DNAH1: variants seen among roughly 807,000 people sequenced by gnomAD.
DNAH1 encodes the protein dynein axonemal heavy chain 1, also known as axonemal beta dynein heavy chain 1.
In DNAH1, 327 loss-of-function variants were observed where a neutral mutation model predicts 484.3. That is an observed-to-expected ratio of 0.68 (90% CI 0.62 to 0.74). DNAH1 has a LOEUF of 0.74. Among genes scored for constraint, DNAH1 ranks in the 30% least tolerant of loss-of-function variants. The pLI, the probability that DNAH1 is intolerant of heterozygous loss-of-function variation, is 0.00. For missense variants in DNAH1, 5,052 were observed against 5,546.8 expected (o/e 0.91, Z 2.83); for synonymous variants, 2,192 against 2,191.9 (o/e 1.00, Z 0.00).
At chr3:52,369,687 C>G in intron 37 of DNAH1, 138 bp from the exon 38 acceptor site, 2 of 914,746 alleles carry the variant, frequency 2.2e-6, no homozygotes, top group South Asian at 1.8e-5. Flanking sequence ...CCTGTCCCAC[C>G]CAGCACTGCC....
Position 52,370,026 on chromosome 3 carries a change from G to A in DNAH1, c.6138+7G>A. On this transcript the variant is annotated splice_region_variant and intron_variant, in intron 38 of 77. Coordinates refer to ENST00000420323, the MANE Select transcript of DNAH1 (RefSeq NM_015512.5). ...CTTTGTCAGCTTCCTGGAGGTGAGT[G>A]AGGCCACGGGTATGTCTGACCCTGG... 5 of 1,612,566 alleles carry A rather than the reference G, an allele frequency of 3.1e-6. No homozygotes were observed. The highest frequency in any genetic ancestry group is 4.2e-6 in the Non-Finnish European group (5 of 1,178,742).
At chr3:52,365,818 C>T (rs990222147) in intron 34 of DNAH1, among the ~76,000 whole-genome samples, 1 of 152,200 alleles carries the variant, frequency 6.6e-6, no homozygotes, top group Non-Finnish European at 1.5e-5. Flanking sequence ...AATGCTTCCT[C>T]CTCTGGTCAC....
At chr3:52,378,459 A>G in intron 46 of DNAH1, 143 bp from the exon 47 acceptor site, 1 of 845,450 alleles carries the variant, frequency 1.2e-6, no homozygotes, top group Non-Finnish European at 1.9e-6. Context: ...ATGGGGCCAA[A>G]GGGTACGTGG....
intron 59 of DNAH1, among the ~76,000 whole-genome samples, chr3:52,389,187 A>C (rs1704254699): frequency 6.6e-6 from 1 of 152,270 alleles, no homozygotes; most frequent in Non-Finnish European, 1.5e-5. Flanking sequence ...CACTTGCTGC[A>C]TGCCAGGCAC....
intron 1 of DNAH1, among the ~76,000 whole-genome samples, 161 bp downstream of exon 1, chr3:52,316,706 C>A (rs1424804837): frequency 6.6e-6 from 1 of 152,180 alleles, no homozygotes; most frequent in East Asian, 1.9e-4. Context: ...ACTCAATACA[C>A]TTTATGGTGG....
intron 8 of DNAH1, among the ~76,000 whole-genome samples, chr3:52,341,963 A>G (rs986600231): frequency 2.0e-5 from 3 of 152,200 alleles, no homozygotes; most frequent in Admixed American, 2.0e-4. Context: ...ACAGACAATG[A>G]AAAATCTGGG....
rs1336962123 is a variant in DNAH1 at position 52,382,464 on chromosome 3, G to A, written c.7941+9G>A. On this transcript the variant is annotated intron_variant, in intron 50 of 77. Coordinates refer to ENST00000420323, the MANE Select transcript of DNAH1 (RefSeq NM_015512.5). Reference sequence around the variant, plus strand: ...TCTTCTCAGACACCCAGGTGCCACTGCCACAGCAGAGGGCAGGGCTCGGGG... The same window carrying A: ...TCTTCTCAGACACCCAGGTGCCACTACCACAGCAGAGGGCAGGGCTCGGGG... The A allele has an allele frequency of 6.2e-7, 1 of 1,613,412 alleles. No individual in the cohort carries two copies. The highest frequency in any genetic ancestry group is 1.3e-5 in the African/African-American group (1 of 75,036).
In DNAH1 at chr3:52,326,820, C is replaced by G; in HGVS notation, c.667C>G (p.Leu223Val). Residue 223 changes from leucine (L) to valine (V), a missense_variant, in exon 5 of 78, where the codon CTG becomes GTG. Leu to Val is a conservative substitution (Grantham distance 32). This residue lies in a region of DNAH1 where 1,263 missense variants were observed against 1,218.8 expected (regional missense o/e 1.04). Transcript: ENST00000420323. ...IDSNKLMPRH[L>V]DHQHPQTIEQ... is the part of the protein sequence containing the mutation. ...CTCCAACAAGCTCATGCCCAGGCAC[C>G]TGGACCACCAGCACCCCCAAACCAT... is the stretch of plus-strand genomic sequence containing the variant. 1 of 1,613,726 alleles carries G rather than the reference C, an allele frequency of 6.2e-7. No homozygotes were observed. Among genetic ancestry groups the G allele is most frequent in the Non-Finnish European group, 8.5e-7 (1 of 1,179,768 alleles).
At chr3:52,350,416 C>G in intron 15 of DNAH1, 92 bp from the exon 16 acceptor site, 1 of 1,240,422 alleles carries the variant, frequency 8.1e-7, no homozygotes, top group Admixed American at 1.9e-5. Context: ...GAGAGCAGCC[C>G]CTCTCTAGTA....
chr3:52,346,296 G>T (rs1702138360), intron 10 of DNAH1, among the ~76,000 whole-genome samples, 176 bp from the exon 11 acceptor site: 1 of 152,198 alleles, frequency 6.6e-6, no homozygotes, highest in Non-Finnish European at 1.5e-5. Flanking sequence ...GGCCCCCAGG[G>T]TCACATGAGG....
At chr3:52,384,648 T>C in intron 52 of DNAH1, 138 bp from the exon 53 acceptor site, 1 of 871,638 alleles carries the variant, frequency 1.1e-6, no homozygotes, top group Non-Finnish European at 1.7e-6. Context: ...GTCGTGAGGC[T>C]CATAGAGTGA....
In DNAH1 at chr3:52,357,746, C is replaced by T; in HGVS notation, c.3980+11C>T. On this transcript the variant is annotated intron_variant, in intron 23 of 77. Coordinates refer to ENST00000420323, the MANE Select transcript of DNAH1 (RefSeq NM_015512.5). ...GAGCGCCTTCCCCAGGTGGGCGCCA[C>T]CTGGCCATGCCCACTCCGCCACTGT... 1 of 1,573,738 alleles carries T rather than the reference C, an allele frequency of 6.4e-7. No individual in the cohort carries two copies. Among genetic ancestry groups the T allele is most frequent in the Non-Finnish European group, 8.6e-7 (1 of 1,159,694 alleles).
rs1166323250 is a variant in DNAH1 at position 52,399,173 on chromosome 3, C to T, written c.12413C>T (p.Ser4138Phe). Reference sequence around the variant, plus strand: ...AATTTTGCCCGCAAATTTGTCATCTCCATTGACACCATCTCCTTTGATTTC... The same window carrying T: ...AATTTTGCCCGCAAATTTGTCATCTTCATTGACACCATCTCCTTTGATTTC... ...LQNFARKFVI[S>F]IDTISFDFKV... The change falls in exon 76 of 78, where the codon TCC becomes TTC. Residue 4138 changes from serine to phenylalanine, a missense_variant. Coordinates refer to ENST00000420323, the MANE Select transcript of DNAH1 (RefSeq NM_015512.5). 2 of 1,611,962 alleles carry T rather than the reference C, an allele frequency of 1.2e-6. No individual in the cohort carries two copies. The highest frequency in any genetic ancestry group is 3.3e-5 in the Admixed American group (2 of 59,932).
Position 52,396,682 on chromosome 3 carries a change from G to C in DNAH1, c.11495G>C (p.Arg3832Pro), listed in dbSNP as rs365048. Reference sequence around the variant, plus strand: ...TTCCATGGGAACGCCCTGGAGCGCCGTAAGTTTGGGCCCCTGGGCTTCAAC... The same window carrying C: ...TTCCATGGGAACGCCCTGGAGCGCCCTAAGTTTGGGCCCCTGGGCTTCAAC... ...CLFHGNALER[R>P]KFGPLGFNIP... Residue 3832 changes from arginine to proline, a missense_variant, in exon 72 of 78, where the codon CGT (arginine) becomes CCT (proline). Transcript: ENST00000420323. 1.2e-6 allele frequency: 2 copies of C among 1,613,602 alleles called. No individual in the cohort carries two copies. The highest frequency in any genetic ancestry group is 1.7e-6 in the Non-Finnish European group (2 of 1,179,884).
At chr3:52,367,578 CTT>C (rs34594699) in intron 36 of DNAH1, among the ~76,000 whole-genome samples, 7 of 145,122 alleles carry the variant, frequency 4.8e-5, no homozygotes, top group Non-Finnish European at 6.1e-5. Context: ...TTCAATGATC[CTT>C]TTTTTTTTTT....
Position 52,366,946 on chromosome 3 carries a change from G to T in DNAH1, c.5765+59G>T. On this transcript the variant is annotated intron_variant, in intron 36 of 77. Coordinates refer to ENST00000420323, the MANE Select transcript of DNAH1 (RefSeq NM_015512.5). ...TGCTCCCAGACCTCTGGAGGCTGTG[G>T]GCTGCGGTCACCCCTCCCTCCATTA... 15 of 1,552,950 alleles carry T rather than the reference G, an allele frequency of 9.7e-6. No individual in the cohort carries two copies. In the Admixed American group the frequency reaches 2.7e-4, roughly 28 times the overall value.
At chr3:52,345,801 T>C in intron 10 of DNAH1, 95 bp downstream of exon 10, 1 of 1,265,578 alleles carries the variant, frequency 7.9e-7, no homozygotes, top group East Asian at 2.5e-5. Context: ...CCAGGGTCAG[T>C]GGGCCACATG....
intron 6 of DNAH1, among the ~76,000 whole-genome samples, chr3:52,328,533 ACT>A (rs1339493705): frequency 2.6e-5 from 4 of 152,050 alleles, no homozygotes; most frequent in African/African-American, 9.7e-5. Context: ...ACAGAAACAC[ACT>A]CTCCTATTGT....
upstream of DNAH1, among the ~76,000 whole-genome samples, chr3:52,312,646 T>C (rs1286011751): frequency 6.6e-6 from 1 of 150,868 alleles, no homozygotes; most frequent in African/African-American, 2.4e-5. Context: ...AATTTTCGTA[T>C]TTGTTTTGTT....
Sources: gnomAD v4.1 joint callset for allele counts (sites outside exome capture counted in the v4.1 genomes callset) on GRCh38, gnomAD v4.1.1 for gene constraint, gnomAD v4.1.1 regional missense constraint, MANE v1.5 for transcripts, NCBI Gene and HGNC (gene_info 2026-07-23, HGNC 2026-07-21) for gene names.